The following HEATR5A variants were observed in gnomAD, a reference collection of about 807,000 sequenced individuals.
HEATR5A encodes the protein HEAT repeat containing 5A, also known as HEAT repeat-containing protein 5A.
A neutral mutation model predicts 218.8 loss-of-function variants in HEATR5A; 178 were observed. The observed-to-expected ratio is 0.81, with a 90% confidence interval of 0.72 to 0.92. HEATR5A has a LOEUF of 0.92. HEATR5A is among the 40% of genes least tolerant of loss of function. The probability of loss-of-function intolerance (pLI) is 0.00; values close to 1 mark genes in which losing one functional copy is unlikely to be tolerated. For synonymous variants in HEATR5A, 864 were observed against 871.6 expected (o/e 0.99, Z 0.15); for missense variants, 2,420 against 2,418.9 (o/e 1.00, Z -0.01).
intron 34 of HEATR5A, among the ~76,000 whole-genome samples, chr14:31,294,821 A>G (rs556016011): frequency 2.0e-5 from 3 of 152,320 alleles, no homozygotes; most frequent in African/African-American, 7.2e-5. Flanking sequence ...AATGTTTTAG[A>G]CAAAAATGAT....
intron 1 of HEATR5A, among the ~76,000 whole-genome samples, chr14:31,412,367 C>T (rs1259715757): frequency 2.0e-5 from 3 of 151,064 alleles, no homozygotes; most frequent in East Asian, 2.0e-4. Flanking sequence ...GAGGTCGAGG[C>T]GGGTGGATCA....
chr14:31,347,443 C>T (rs553536448), intron 19 of HEATR5A, among the ~76,000 whole-genome samples: 66 of 152,232 alleles, frequency 4.3e-4, no homozygotes, highest in Non-Finnish European at 8.1e-4. Flanking sequence ...AACTCCTGAG[C>T]TCAAGCAATC....
At chr14:31,303,392 C>T (rs1339703524) in intron 32 of HEATR5A, among the ~76,000 whole-genome samples, 1 of 152,062 alleles carries the variant, frequency 6.6e-6, no homozygotes, top group African/African-American at 2.4e-5. Flanking sequence ...GAGATCGCGC[C>T]ACTGCACTGC....
intron 13 of HEATR5A, among the ~76,000 whole-genome samples, chr14:31,365,424 G>T (rs368394375): frequency 6.6e-6 from 1 of 151,790 alleles, no homozygotes; most frequent in Non-Finnish European, 1.5e-5. Flanking sequence ...GCAGTGACGC[G>T]ATCTTGGCTC....
rs545784761 is a variant in HEATR5A, at chr14:31,384,403, C to T, written c.1346-632G>A. 1.4e-4 allele frequency among the ~76,000 whole-genome samples: 21 copies of T among 151,100 alleles called. No homozygotes were observed. The South Asian group carries it at 4.4e-3, about 32-fold the overall frequency. Reference sequence around the variant, plus strand: ...GACTTGCAGTGAGCCAAGATTGTGCCACTGTACTCCAACGTGGGTGACAGA... The same window carrying T: ...GACTTGCAGTGAGCCAAGATTGTGCTACTGTACTCCAACGTGGGTGACAGA... On this transcript the variant is annotated intron_variant, in intron 9 of 35. Coordinates refer to ENST00000543095, the MANE Select transcript of HEATR5A (RefSeq NM_015473.4).
At chr14:31,398,538 A>C (rs902564602) in intron 4 of HEATR5A, 135 bp downstream of exon 4, 2 of 558,248 alleles carry the variant, frequency 3.6e-6, no homozygotes, top group Middle Eastern at 5.3e-4. Flanking sequence ...TCACCTAGAA[A>C]TATTAATTTA....
intron 18 of HEATR5A, among the ~76,000 whole-genome samples, chr14:31,349,207 G>A (rs1439964914): frequency 6.6e-6 from 1 of 152,024 alleles, no homozygotes; most frequent in East Asian, 1.9e-4. Flanking sequence ...GGCCAGCATG[G>A]AGAAACCCCG....
intron 1 of HEATR5A, among the ~76,000 whole-genome samples, chr14:31,411,170 G>A (rs1169721666): frequency 3.3e-5 from 5 of 151,980 alleles, no homozygotes; most frequent in Non-Finnish European, 1.5e-5. Context: ...TTTATCAGAG[G>A]TTACAAAAAT....
Position 31,293,614 on chromosome 14 carries a change from T to G in HEATR5A, c.5834-2A>C, listed in dbSNP as rs1425876919. 4 of 1,592,034 alleles carry G rather than the reference T, an allele frequency of 2.5e-6. No homozygotes were observed. Among genetic ancestry groups the G allele is most frequent in the Admixed American group, 3.7e-5 (2 of 54,100 alleles). On this transcript the variant is annotated splice_acceptor_variant, in intron 35 of 35. Coordinates refer to ENST00000543095, the MANE Select transcript of HEATR5A (RefSeq NM_015473.4). LOFTEE classifies it high-confidence loss of function. ...AAAGACAGGCCACCAGCTGAGCGCC[T>G]AGAAAGTAAACAAATAATATAAGTT...
At chr14:31,376,999 C>T (rs1902251894) in intron 11 of HEATR5A, among the ~76,000 whole-genome samples, 1 of 151,946 alleles carries the variant, frequency 6.6e-6, no homozygotes, top group African/African-American at 2.4e-5. Flanking sequence ...GTGGTGTAAA[C>T]CTATAGTCCT....
chr14:31,415,281 A>AGG (rs1400524781), intron 1 of HEATR5A, among the ~76,000 whole-genome samples: 1 of 152,138 alleles, frequency 6.6e-6, no homozygotes, highest in Non-Finnish European at 1.5e-5. Flanking sequence ...ATGTCCAGCT[A>AGG]GGCTCTTTGC....
rs368853542 is a variant in HEATR5A, at chr14:31,349,860, T to C, written c.2637A>G (p.Ser879=). 11 of 1,612,674 alleles carry C rather than the reference T, an allele frequency of 6.8e-6. No homozygotes were observed. The African/African-American group carries it at 1.2e-4, about 18-fold the overall frequency. ...CTACCACTTGGGCTAATCTAGCCCA[T>C]GACTCTGCAGCTGCACATCTCAGCA... ...NPLLRCAAAE[S]WARLAQVVDD... The change falls in exon 18 of 36, where the codon TCA becomes TCG. Residue 879 remains serine, a synonymous_variant. Coordinates refer to ENST00000543095, the MANE Select transcript of HEATR5A (RefSeq NM_015473.4).
intron 22 of HEATR5A, among the ~76,000 whole-genome samples, chr14:31,335,219 G>GAAAAC (rs1900614080): frequency 6.6e-6 from 1 of 151,902 alleles, no homozygotes; most frequent in Non-Finnish European, 1.5e-5. Flanking sequence ...ATATGCACTG[G>GAAAAC]AAAACAAAAA....
intron 28 of HEATR5A, among the ~76,000 whole-genome samples, chr14:31,312,369 T>TGAC (rs1899783310): frequency 6.6e-6 from 1 of 151,216 alleles, no homozygotes; most frequent in Admixed American, 6.6e-5. Flanking sequence ...TTAAGTATGA[T>TGAC]AATACAGTGT....
chr14:31,323,336 A>AT (rs1001160104), intron 24 of HEATR5A, among the ~76,000 whole-genome samples: 3 of 151,942 alleles, frequency 2.0e-5, no homozygotes, highest in African/African-American at 7.3e-5. Flanking sequence ...AATTAAAAAA[A>AT]TTTTTTTAAT....
Position 31,309,028 on chromosome 14 carries a change from A to G in HEATR5A, c.4596T>C (p.Pro1532=), listed in dbSNP as rs753911983. 2 of 1,614,014 alleles carry G rather than the reference A, an allele frequency of 1.2e-6. No homozygotes were observed. Among genetic ancestry groups the G allele is most frequent in the Non-Finnish European group, 1.7e-6 (2 of 1,179,888 alleles). The change falls in exon 29 of 36, where the codon CCT becomes CCC. Residue 1532 remains proline (P), a synonymous_variant. Coordinates refer to ENST00000543095, the MANE Select transcript of HEATR5A (RefSeq NM_015473.4). ...PDEGASNLSR[P]VTPTSMCQGS... ...CCTGACACATGGAAGTTGGTGTTAC[A>G]GGCCTGGAGAGATTAGATGCTCCTT...
chr14:31,301,419 C>A (rs533862870), intron 33 of HEATR5A, among the ~76,000 whole-genome samples: 1 of 151,936 alleles, frequency 6.6e-6, no homozygotes, highest in Non-Finnish European at 1.5e-5. Context: ...CTGCACCCGA[C>A]GAAAAACAAG....
chr14:31,416,319 A>G (rs533892546), intron 1 of HEATR5A, among the ~76,000 whole-genome samples: 16 of 151,938 alleles, frequency 1.1e-4, no homozygotes, highest in Admixed American at 7.9e-4. Flanking sequence ...ACGGGGTTTC[A>G]CCCTGTTGGC....
intron 21 of HEATR5A, among the ~76,000 whole-genome samples, chr14:31,339,449 C>CT (rs1900773116): frequency 1.5e-5 from 1 of 67,430 alleles, no homozygotes; most frequent in Non-Finnish European, 2.6e-5. Flanking sequence ...AACTGTGTCT[C>CT]AAAAAAAAAA....
Sources: allele counts gnomAD v4.1 joint callset (sites outside exome capture counted in the v4.1 genomes callset), GRCh38; gene constraint gnomAD v4.1.1; transcripts MANE v1.5; gene names NCBI Gene and HGNC (gene_info 2026-07-23, HGNC 2026-07-21).